The following CCDC126 variants were observed in gnomAD, a reference collection of about 807,000 sequenced individuals.
CCDC126 encodes coiled-coil domain containing 126, also known as coiled-coil domain-containing protein 126.
Under a neutral mutation model 11.7 loss-of-function variants are expected in CCDC126, and 5 were observed. The observed-to-expected ratio is 0.43, with a 90% CI of 0.22 to 0.90. The LOEUF (loss-of-function observed/expected upper bound fraction) is 0.90, where lower values mean the gene tolerates loss of function less well. CCDC126 is among the 40% of genes least tolerant of loss of function. The pLI is 0.27. For missense variants in CCDC126, 150 were observed against 163.1 expected (o/e 0.92, Z 0.44); for synonymous variants, 60 against 61.9 (o/e 0.97, Z 0.14).
chr7:23,619,584 A>AT (rs1782855234), intron 3 of CCDC126: 2 of 217,726 alleles, frequency 9.2e-6, no homozygotes, highest in Admixed American at 5.3e-5. Flanking sequence ...TTTTAAGAAA[A>AT]ATATATTTTT....
chr7:23,635,350 T>C (rs1160138914), intron 3 of CCDC126, among the ~76,000 whole-genome samples: 5 of 152,196 alleles, frequency 3.3e-5, no homozygotes, highest in Non-Finnish European at 5.9e-5. Context: ...AGGTCTAAGA[T>C]AGGGAAGGGG....
intron 2 of CCDC126, among the ~76,000 whole-genome samples, chr7:23,602,607 A>C (rs1475960031): frequency 2.0e-5 from 3 of 152,138 alleles, no homozygotes; most frequent in Admixed American, 2.0e-4. Flanking sequence ...GTTTGTACTG[A>C]GGAAAATAGG....
intron 3 of CCDC126, among the ~76,000 whole-genome samples, chr7:23,626,815 A>G (rs1305796659): frequency 6.6e-6 from 1 of 152,210 alleles, no homozygotes; most frequent in African/African-American, 2.4e-5. Context: ...TCTATAATAA[A>G]TTGTTACTGT....
chr7:23,624,599 A>G (rs1268563574), intron 3 of CCDC126, among the ~76,000 whole-genome samples: 1 of 152,248 alleles, frequency 6.6e-6, no homozygotes, highest in African/African-American at 2.4e-5. Flanking sequence ...CTGTTATAAT[A>G]AATGAGCATG....
rs578054084 is a variant in CCDC126 at position 23,644,534 on chromosome 7, A to G, written c.*1419A>G. ...TGAAATATTGTTTCATGAAAGACAG[A>G]TTTCCAAATCTCTCTTCTCTTCTCT... On this transcript the variant is annotated 3_prime_UTR_variant, in exon 4 of 4. Transcript: ENST00000307471. 1 of 152,648 alleles carries G rather than the reference A, an allele frequency of 6.6e-6. No individual in the cohort carries two copies. The highest frequency in any genetic ancestry group is 2.1e-4 in the South Asian group (1 of 4,820). 9.5% of individuals were successfully genotyped at this position (152,648 alleles called of 1,614,324 possible). A position where few individuals can be genotyped will look rare whatever the true frequency, so the allele number is the denominator to read the frequency against.
Position 23,611,447 on chromosome 7 carries a change from G to C in CCDC126, c.132G>C (p.Lys44Asn). 3 of 1,614,008 alleles carry C rather than the reference G, an allele frequency of 1.9e-6. No homozygotes were observed. The highest frequency in any genetic ancestry group is 2.2e-5 in the South Asian group (2 of 91,086). ...AACCAAGACATCAAAGCAGTGTCAA[G>C]TTACGTGAGCAAATACTAGACTTAA... ...FQQPRHQSSV[K>N]LREQILDLSK... is the part of the protein sequence containing the mutation. Residue 44 changes from lysine (K) to asparagine (N), a missense_variant, in exon 3 of 4, where the codon AAG becomes AAC. By Grantham distance (94) the Lys-to-Asn change is moderately conservative. Coordinates refer to ENST00000307471, the MANE Select transcript of CCDC126 (RefSeq NM_138771.4).
At chr7:23,611,641 TC>T in intron 3 of CCDC126, 88 bp downstream of exon 3, 8 of 868,074 alleles carry the variant, frequency 9.2e-6, no homozygotes, top group Non-Finnish European at 1.3e-5. Flanking sequence ...CATGCATAGG[TC>T]TTTGCAAAGT....
At chr7:23,606,967 G>A (rs117598272) in intron 2 of CCDC126, among the ~76,000 whole-genome samples, 26 of 152,058 alleles carry the variant, frequency 1.7e-4, no homozygotes, top group Non-Finnish European at 3.7e-4. Flanking sequence ...GCCTGGTGGT[G>A]TGCACTTGTA....
At position 23,642,990 on chromosome 7, in the gene CCDC126, C is replaced by G. The variant is rs770766345; in HGVS notation, c.298C>G (p.Leu100Val). 6.2e-7 allele frequency: 1 copy of G among 1,614,056 alleles called. No individual in the cohort carries two copies. The highest frequency in any genetic ancestry group is 1.7e-5 in the Admixed American group (1 of 60,012). Residue 100 changes from leucine (L) to valine (V), a missense_variant, in exon 4 of 4, where the codon CTG becomes GTG. Transcript: ENST00000307471. ...TGACATTTTGCAACGATTGGTGAAG[C>G]TGGAGAACAAAGTTGACTATATTGT... The part of the protein sequence containing the change: ...LDDILQRLVK[L>V]ENKVDYIVVN...
intron 3 of CCDC126, among the ~76,000 whole-genome samples, chr7:23,637,982 G>A (rs1159288574): frequency 8.5e-6 from 1 of 117,880 alleles, no homozygotes; most frequent in Non-Finnish European, 1.8e-5. Context: ...TCAGCCCCCC[G>A]CCCGGCCAGC....
chr7:23,624,161 T>A (rs1454618750), intron 3 of CCDC126, among the ~76,000 whole-genome samples: 1 of 152,226 alleles, frequency 6.6e-6, no homozygotes, highest in African/African-American at 2.4e-5. Flanking sequence ...TCCTTTCTTG[T>A]TTGTTATCTT....
At chr7:23,633,437 T>A (rs996123718) in intron 3 of CCDC126, among the ~76,000 whole-genome samples, 1 of 152,176 alleles carries the variant, frequency 6.6e-6, no homozygotes, top group African/African-American at 2.4e-5. Flanking sequence ...TGATGAGGTC[T>A]TTGAAAGCAC....
At chr7:23,630,490 T>C (rs554322058) in intron 3 of CCDC126, among the ~76,000 whole-genome samples, 1 of 147,532 alleles carries the variant, frequency 6.8e-6, no homozygotes, top group East Asian at 2.0e-4. Flanking sequence ...AAAGTGAGAC[T>C]GTTTCAGTCA....
rs1456186778 is a variant in CCDC126 at position 23,632,195 on chromosome 7, G to A, written c.239-10736G>A. 1.1e-4 allele frequency among the ~76,000 whole-genome samples: 16 copies of A among 150,776 alleles called. No individual in the cohort carries two copies. In the Admixed American group the frequency reaches 1.1e-3, roughly 10 times the overall value. On this transcript the variant is annotated intron_variant, in intron 3 of 3. Coordinates refer to ENST00000307471, the MANE Select transcript of CCDC126 (RefSeq NM_138771.4). ...TGAAACCTCTGCCTCCCAGGTTCAA[G>A]TGATTCTCCCACCTCAGCCTTCCAA...
intron 3 of CCDC126, among the ~76,000 whole-genome samples, chr7:23,633,000 CT>C (rs922035087): frequency 1.9e-4 from 29 of 151,196 alleles, no homozygotes; most frequent in Non-Finnish European, 3.0e-4. Context: ...CCTTGCAGTC[CT>C]TTTTTTTTGA....
chr7:23,611,822 C>T (rs192214493), intron 3 of CCDC126, among the ~76,000 whole-genome samples: 36 of 152,284 alleles, frequency 2.4e-4, no homozygotes, highest in African/African-American at 7.5e-4. Flanking sequence ...TATGACATTT[C>T]GCTGCTAGAT....
intron 3 of CCDC126, among the ~76,000 whole-genome samples, chr7:23,638,863 C>CAAAAAAAAAAAAAAA (rs61374394): frequency 2.6e-4 from 28 of 108,566 alleles, no homozygotes; most frequent in South Asian, 3.3e-4. Flanking sequence ...AATAAATTAA[C>CAAAAAAAAAAAAAAA]AAAAAAAAAA....
chr7:23,634,822 C>T (rs1783178724), intron 3 of CCDC126, among the ~76,000 whole-genome samples: 1 of 152,152 alleles, frequency 6.6e-6, no homozygotes, highest in African/African-American at 2.4e-5. Context: ...TGCCTTGGTT[C>T]TGTTTTTCCA....
chr7:23,609,273 T>A (rs1782668348), intron 2 of CCDC126, among the ~76,000 whole-genome samples: 1 of 152,016 alleles, frequency 6.6e-6, no homozygotes, highest in Non-Finnish European at 1.5e-5. Flanking sequence ...AACTTCTGCC[T>A]CCTGGGTTCA....
Sources: allele counts gnomAD v4.1 joint callset (sites outside exome capture counted in the v4.1 genomes callset), GRCh38; gene constraint gnomAD v4.1.1; transcripts MANE v1.5; gene names NCBI Gene and HGNC (gene_info 2026-07-23, HGNC 2026-07-21).